MATN4: variants seen among roughly 807,000 people sequenced by gnomAD.
The protein encoded by MATN4 is matrilin 4, also known as matrilin-4.
A neutral mutation model predicts 54.6 loss-of-function variants in MATN4; 40 were observed. That is an observed-to-expected ratio of 0.73 (90% CI 0.57 to 0.95). The LOEUF (loss-of-function observed/expected upper bound fraction) is 0.95. MATN4 is among the 40% of genes least tolerant of loss of function. The probability of loss-of-function intolerance (pLI) is 0.00; values close to 1 mark genes in which losing one functional copy is unlikely to be tolerated. For synonymous variants in MATN4, 351 were observed against 345.3 expected (o/e 1.02, Z -0.18); for missense variants, 810 against 819.1 (o/e 0.99, Z 0.13).
intron 2 of MATN4, 55 bp from the exon 3 acceptor site, chr20:45,304,852 A>C: frequency 2.5e-6 from 3 of 1,201,826 alleles, no homozygotes; most frequent in Admixed American, 2.6e-5. Flanking sequence ...ACCTCCGAGG[A>C]GACCCCCTAG....
chr20:45,302,300 G>A (rs1986283227), intron 3 of MATN4, among the ~76,000 whole-genome samples: 1 of 151,748 alleles, frequency 6.6e-6, no homozygotes, highest in African/African-American at 2.4e-5. Flanking sequence ...TTAGTTTCTA[G>A]AAACAAGAAG....
intron 8 of MATN4, among the ~76,000 whole-genome samples, chr20:45,294,952 A>G (rs987159756): frequency 6.6e-6 from 1 of 152,186 alleles, no homozygotes; most frequent in Non-Finnish European, 1.5e-5. Context: ...TCTAGGTTGC[A>G]GGCTTCTTAT....
At chr20:45,301,246 C>CTCCA in intron 4 of MATN4, 22 bp from the exon 5 acceptor site, 1 of 1,586,396 alleles carries the variant, frequency 6.3e-7, no homozygotes, top group Non-Finnish European at 8.6e-7. Context: ...GAAGAAACAG[C>CTCCA]AAGATGTTGC....
intron 3 of MATN4, 65 bp from the exon 4 acceptor site, chr20:45,301,508 C>T (rs1600697497): frequency 1.3e-6 from 2 of 1,538,304 alleles, no homozygotes; most frequent in East Asian, 4.6e-5. Flanking sequence ...AGCACAACCA[C>T]CTAAGGAAAT....
At chr20:45,308,516 G>T, upstream of MATN4, 2 of 502,830 alleles carry the variant, frequency 4.0e-6, no homozygotes, top group Non-Finnish European at 7.3e-6. Flanking sequence ...TGGGGAGACC[G>T]GGGCAGCCAC....
At chr20:45,302,215 C>T (rs143729109) in intron 3 of MATN4, among the ~76,000 whole-genome samples, 114 of 152,196 alleles carry the variant, frequency 7.5e-4, no homozygotes, top group African/African-American at 2.5e-3. Flanking sequence ...AAGATAAGCA[C>T]TTGGGGGATT....
In MATN4 at chr20:45,300,771, C is replaced by G; in HGVS notation, c.1012+116G>C. 3.0e-6 allele frequency: 4 copies of G among 1,314,986 alleles called. No individual in the cohort carries two copies. In the Admixed American group the frequency reaches 6.0e-5, roughly 20 times the overall value. 81.5% of individuals were successfully genotyped at this position (1,314,986 alleles called of 1,614,324 possible). A position where few individuals can be genotyped will look rare whatever the true frequency, so the allele number is the denominator to read the frequency against. Reference sequence around the variant, plus strand: ...ACACCCTCCAATGTCACCCCCACAACACACACAGACATTCACACCACAGCC... The same window carrying G: ...ACACCCTCCAATGTCACCCCCACAAGACACACAGACATTCACACCACAGCC... On this transcript the variant is annotated intron_variant, in intron 6 of 9. Transcript: ENST00000372756.
chr20:45,304,589 G>T lies in MATN4; in HGVS notation c.282C>A (p.Arg94=). 1 of 1,598,886 alleles carries T rather than the reference G, an allele frequency of 6.3e-7. No individual in the cohort carries two copies. Among genetic ancestry groups the T allele is most frequent in the Non-Finnish European group, 8.6e-7 (1 of 1,168,060 alleles). The change falls in exon 3 of 10, where the codon CGC becomes CGA. Residue 94 remains arginine, a synonymous_variant. Transcript: ENST00000372756. The part of the protein sequence containing the change: ...SVFPLRAFSR[R]EDMERAIRDL... ...CGCGGATGGCGCGCTCCATGTCCTC[G>T]CGGCGAGAGAACGCGCGGAGAGGGA...
At position 45,301,409 on chromosome 20, in the gene MATN4, A is replaced by C. The variant is rs771009970; in HGVS notation, c.678T>G (p.Cys226Trp). ...IDLCAEGTHG[C>W]EHHCVNSPGS... ...CTGGGGAATTGACGCAGTGGTGCTC[A>C]CATCCATGGGTCCCTTCAGCACACA... Residue 226 changes from cysteine (C) to tryptophan (W), a missense_variant, in exon 4 of 10, where the codon TGT (cysteine) becomes TGG (tryptophan). Transcript: ENST00000372756. 2.5e-6 allele frequency: 4 copies of C among 1,614,090 alleles called. No homozygotes were observed. The highest frequency in any genetic ancestry group is 4.5e-5 in the East Asian group (2 of 44,886).
chr20:45,306,207 C>T (rs1986656196), intron 1 of MATN4, among the ~76,000 whole-genome samples: 1 of 152,180 alleles, frequency 6.6e-6, no homozygotes, highest in Non-Finnish European at 1.5e-5. Flanking sequence ...GTGTTAAATG[C>T]TCTTCACGCA....
chr20:45,304,378 C>T lies in MATN4; in HGVS notation c.493G>A (p.Gly165Ser), dbSNP rs748663250. Residue 165 changes from glycine (G) to serine (S), a missense_variant, in exon 3 of 10, where the codon GGC becomes AGC. Coordinates refer to ENST00000372756, the MANE Select transcript of MATN4 (RefSeq NM_001393530.1). ...AEVAAQARARGIEIYAVGVQR... is the reference protein window; with the variant it reads ...AEVAAQARARSIEIYAVGVQR... The stretch of plus-strand genomic sequence containing the variant: ...ACCCCCACCGCGTAAATTTCAATGC[C>T]GCGGGCGCGCGCCTGTGCCGCCACC... The T allele has an allele frequency of 6.7e-7, 1 of 1,501,482 alleles. No homozygotes were observed. Among genetic ancestry groups the T allele is most frequent in the Non-Finnish European group, 8.9e-7 (1 of 1,125,480 alleles). 93.0% of individuals were successfully genotyped at this position (1,501,482 alleles called of 1,614,324 possible). A position where few individuals can be genotyped will look rare whatever the true frequency, so the allele number is the denominator to read the frequency against.
At chr20:45,297,564 G>A (rs1366966968) in intron 8 of MATN4, among the ~76,000 whole-genome samples, 1 of 152,162 alleles carries the variant, frequency 6.6e-6, no homozygotes, top group African/African-American at 2.4e-5. Context: ...GCTGTCTGGT[G>A]TGCCTTCAAA....
At position 45,303,007 on chromosome 20, in the gene MATN4, C is replaced by T. The variant is rs369765639; in HGVS notation, c.643+1221G>A. Among the ~76,000 whole-genome samples, 28 of 143,458 alleles carry T rather than the reference C, an allele frequency of 2.0e-4. No individual in the cohort carries two copies. The East Asian group carries it at 3.1e-3, about 16-fold the overall frequency. The allele number at this position is 143,458 out of a possible 152,430, so 94.1% of individuals were successfully genotyped here. ...CTGACACACAAGAATCACTTGAACCCGGGAGGCGGAGGTTGCAGTGAGCTA... is the reference window on the plus strand; with the variant it reads ...CTGACACACAAGAATCACTTGAACCTGGGAGGCGGAGGTTGCAGTGAGCTA... On this transcript the variant is annotated intron_variant, in intron 3 of 9. Transcript: ENST00000372756.
intron 6 of MATN4, among the ~76,000 whole-genome samples, chr20:45,299,861 G>C (rs1986101393): frequency 1.5e-5 from 2 of 133,774 alleles, no homozygotes; most frequent in African/African-American, 5.7e-5. Context: ...CCGAGAAACA[G>C]AGGGAGACTT....
rs367905875 is a variant in MATN4, at chr20:45,298,082, G to C, written c.1427-12C>G. The C allele has an allele frequency of 6.2e-7, 1 of 1,608,514 alleles. No homozygotes were observed. On this transcript the variant is annotated splice_polypyrimidine_tract_variant and intron_variant, in intron 7 of 9. Transcript: ENST00000372756. The surrounding 1 kb of genome is among the most constrained non-coding windows in gnomAD (Gnocchi z 4.6). The stretch of plus-strand genomic sequence containing the variant: ...GTACATGACGATGCCTGCAAGGCCG[G>C]GGTCTCAGAGGGTGCCCCAGGCCTC...
intron 3 of MATN4, among the ~76,000 whole-genome samples, chr20:45,303,082 C>CAAAAAA (rs79635257): frequency 1.3e-3 from 106 of 82,752 alleles, no homozygotes; most frequent in Non-Finnish European, 2.1e-3. Flanking sequence ...GACTCTGTCT[C>CAAAAAA]AAAAAAAAAA....
rs539155724 is a variant in MATN4 at position 45,298,650 on chromosome 20, T to C, written c.1013-67A>G. The C allele has an allele frequency of 1.5e-6, 2 of 1,293,140 alleles. No homozygotes were observed. The highest frequency in any genetic ancestry group is 1.5e-5 in the African/African-American group (1 of 67,298). The allele number at this position is 1,293,140 out of a possible 1,614,324, so 80.1% of individuals were successfully genotyped here. A position where few individuals can be genotyped will look rare whatever the true frequency, so the allele number is the denominator to read the frequency against. On this transcript the variant is annotated intron_variant, in intron 6 of 9. Coordinates refer to ENST00000372756, the MANE Select transcript of MATN4 (RefSeq NM_001393530.1). This position sits in a 1 kb window ranked among gnomAD's most constrained non-coding sequence, Gnocchi z 4.6. The stretch of plus-strand genomic sequence containing the variant: ...GACTGGCAGCAGCTGTCTATCCATC[T>C]AGTCGTTCATTCGCAAACATTTATT...
chr20:45,305,395 T>TC (rs1425802924), intron 2 of MATN4, 115 bp downstream of exon 2: 1 of 725,552 alleles, frequency 1.4e-6, no homozygotes, highest in Non-Finnish European at 2.3e-6. Flanking sequence ...TTAAACCCAG[T>TC]CCCATATGTT....
At chr20:45,300,824 G>A in intron 6 of MATN4, 63 bp downstream of exon 6, 2 of 1,595,622 alleles carry the variant, frequency 1.3e-6, no homozygotes, top group Non-Finnish European at 1.7e-6. Context: ...GCAAAGTCAA[G>A]GACACTCCAA....
Sources: gnomAD v4.1 joint callset for allele counts (sites outside exome capture counted in the v4.1 genomes callset) on GRCh38, gnomAD v4.1.1 for gene constraint, Gnocchi (gnomAD v3.1) non-coding constraint, MANE v1.5 for transcripts, NCBI Gene and HGNC (gene_info 2026-07-23, HGNC 2026-07-21) for gene names.